The following ZNF536 variants were observed in gnomAD, a reference collection of about 807,000 sequenced individuals.
The protein encoded by ZNF536 is zinc finger protein 536.
Under a neutral mutation model 84.5 loss-of-function variants are expected in ZNF536, and 13 were observed. The observed-to-expected ratio is 0.15, with a 90% CI of 0.10 to 0.24. ZNF536 has a LOEUF of 0.24. Among genes scored for constraint, ZNF536 ranks in the 10% least tolerant of loss-of-function variants. The pLI is 1.00. For missense variants in ZNF536, 1,536 were observed against 1,747.5 expected (o/e 0.88, Z 2.16); for synonymous variants, 811 against 742.5 (o/e 1.09, Z -1.50).
intron 1 of ZNF536, among the ~76,000 whole-genome samples, chr19:30,606,495 G>A (rs1002699698): frequency 3.9e-5 from 6 of 152,038 alleles, no homozygotes; most frequent in Admixed American, 2.6e-4. Context: ...TTCTGAGGGC[G>A]TGGGTTGGTG....
intron 2 of ZNF536, among the ~76,000 whole-genome samples, chr19:30,465,901 C>T (rs1286264311): frequency 6.6e-6 from 1 of 152,056 alleles, no homozygotes; most frequent in Non-Finnish European, 1.5e-5. Flanking sequence ...CAGGCACCCG[C>T]CACCACACCC....
chr19:30,482,329 GC>G (rs2054123991), intron 2 of ZNF536, among the ~76,000 whole-genome samples: 9 of 152,268 alleles, frequency 5.9e-5, no homozygotes, highest in Admixed American at 5.9e-4. Context: ...ATTTTATCCT[GC>G]AGTAGAAAAT....
In ZNF536 at chr19:30,548,213, C is replaced by T. The variant is rs1359815878; in HGVS notation, c.2594C>T (p.Ser865Phe). The change falls in exon 4 of 5, where the codon TCC becomes TTC. Residue 865 changes from serine to phenylalanine, a missense_variant. Coordinates refer to ENST00000355537, the MANE Select transcript of ZNF536 (RefSeq NM_014717.3). Reference protein sequence around the residue: ...ASQQWTSGVLSSGDHSGQATG... With the variant: ...ASQQWTSGVLFSGDHSGQATG... The stretch of plus-strand genomic sequence containing the variant: ...CAGCAGTGGACATCAGGGGTTCTCT[C>T]CTCTGGAGATCACTCGGGGCAGGCC... The T allele has an allele frequency of 2.5e-6, 4 of 1,614,084 alleles. No homozygotes were observed. The African/African-American group carries it at 4.0e-5, about 16-fold the overall frequency.
At chr19:30,505,467 A>G (rs2055136732) in intron 2 of ZNF536, among the ~76,000 whole-genome samples, 1 of 148,548 alleles carries the variant, frequency 6.7e-6, no homozygotes. Flanking sequence ...ATGTATCATC[A>G]ATAATCTATA....
chr19:30,560,938 TG>T (rs1438420365), downstream of ZNF536, among the ~76,000 whole-genome samples: 2 of 152,236 alleles, frequency 1.3e-5, no homozygotes, highest in African/African-American at 4.8e-5. Context: ...AGGTTAAAGT[TG>T]GGGAACTCTG....
chr19:30,524,045 C>T (rs2044474285), intron 2 of ZNF536, among the ~76,000 whole-genome samples: 1 of 152,222 alleles, frequency 6.6e-6, no homozygotes, highest in Admixed American at 6.5e-5. Context: ...CCACCCCGTG[C>T]CCAGGCCAGC....
At chr19:30,504,602 C>A (rs1226155577) in intron 2 of ZNF536, among the ~76,000 whole-genome samples, 1 of 140,024 alleles carries the variant, frequency 7.1e-6, no homozygotes, top group South Asian at 2.5e-4. Flanking sequence ...CTCTCCAACT[C>A]TTCCTCTCTC....
At chr19:30,520,923 C>G (rs998132617) in intron 2 of ZNF536, among the ~76,000 whole-genome samples, 36 of 152,194 alleles carry the variant, frequency 2.4e-4, no homozygotes, top group Non-Finnish European at 7.4e-5. Context: ...GAAGTGGCCT[C>G]ACCAGACGGA....
chr19:30,666,840 A>T (rs984808146), intron 1 of ZNF536, among the ~76,000 whole-genome samples: 2 of 151,570 alleles, frequency 1.3e-5, no homozygotes, highest in African/African-American at 4.9e-5. Context: ...GTGTATATAT[A>T]TATATATATG....
At chr19:30,302,039 C>T (rs1283962074) in intron 2 of ZNF536, among the ~76,000 whole-genome samples, 1 of 151,736 alleles carries the variant, frequency 6.6e-6, no homozygotes, top group Non-Finnish European at 1.5e-5. Context: ...ATGTAGAGCA[C>T]GTTTTAGCAA....
chr19:30,375,231 G>A (rs1166318109), intron 1 of ZNF536, among the ~76,000 whole-genome samples: 5 of 148,798 alleles, frequency 3.4e-5, no homozygotes, highest in East Asian at 2.0e-4. Flanking sequence ...CCGAGGCCGA[G>A]CGCTGCCCCC....
chr19:30,524,076 C>T (rs536444537), intron 2 of ZNF536, among the ~76,000 whole-genome samples: 1 of 152,346 alleles, frequency 6.6e-6, no homozygotes, highest in South Asian at 2.1e-4. Flanking sequence ...GCGGCAGGCT[C>T]ACAAGCCATT....
chr19:30,549,858 A>G (rs990203642), intron 4 of ZNF536, among the ~76,000 whole-genome samples: 1 of 152,244 alleles, frequency 6.6e-6, no homozygotes, highest in African/African-American at 2.4e-5. Context: ...GAAAAGAGAC[A>G]TGGTAACTTG....
chr19:30,498,457 G>A lies in ZNF536; in HGVS notation c.2171-36390G>A, dbSNP rs182442973. Among the ~76,000 whole-genome samples, 367 of 152,202 alleles carry A rather than the reference G, an allele frequency of 2.4e-3. 1 individual carries two copies. The highest frequency in any genetic ancestry group is 8.5e-3 in the African/African-American group (351 of 41,520). ...CTGTCAGGGAGTGGGGTGGGGGGAC[G>A]GAGAGCATTAGGAAAAATAGCTAAT... On this transcript the variant is annotated intron_variant, in intron 2 of 4. Transcript: ENST00000355537.
chr19:30,390,007 C>T (rs1378371648), intron 1 of ZNF536, among the ~76,000 whole-genome samples: 25 of 152,190 alleles, frequency 1.6e-4, no homozygotes, highest in Admixed American at 1.6e-3. Flanking sequence ...CAGGGATTTC[C>T]CTCCTCAAAG....
intron 2 of ZNF536, among the ~76,000 whole-genome samples, chr19:30,327,022 G>T (rs1451920018): frequency 6.6e-6 from 1 of 151,880 alleles, no homozygotes; most frequent in Non-Finnish European, 1.5e-5. Context: ...ATTGATTTGG[G>T]TGTTGTTGCT....
chr19:30,547,041 C>T (rs1322245692), intron 3 of ZNF536, among the ~76,000 whole-genome samples: 1 of 152,070 alleles, frequency 6.6e-6, no homozygotes, highest in Non-Finnish European at 1.5e-5. Flanking sequence ...TTTTAAAACA[C>T]TCTTTAAAGC....
chr19:30,490,390 G>A (rs1262096877), intron 2 of ZNF536, among the ~76,000 whole-genome samples: 2 of 152,130 alleles, frequency 1.3e-5, no homozygotes, highest in Non-Finnish European at 2.9e-5. Context: ...ATCTCCAGGA[G>A]GGGGTTGTGT....
chr19:30,367,354 A>C (rs779017377), intron 3 of ZNF536, among the ~76,000 whole-genome samples: 2 of 152,306 alleles, frequency 1.3e-5, no homozygotes, highest in Non-Finnish European at 1.5e-5. Context: ...TCTAACTTAC[A>C]TGAAATAAAA....
Sources: gnomAD v4.1 joint callset for allele counts (sites outside exome capture counted in the v4.1 genomes callset) on GRCh38, gnomAD v4.1.1 for gene constraint, MANE v1.5 for transcripts, NCBI Gene and HGNC (gene_info 2026-07-23, HGNC 2026-07-21) for gene names.